STX12: variants seen among roughly 807,000 people sequenced by gnomAD.
STX12 encodes syntaxin-12.
A neutral mutation model predicts 42.2 loss-of-function variants in STX12; 17 were observed. The observed-to-expected ratio is 0.40, with a 90% CI of 0.28 to 0.60. The LOEUF is 0.60. STX12 is among the 20% of genes least tolerant of loss of function. The probability of loss-of-function intolerance (pLI) is 0.39; values close to 1 mark genes in which losing one functional copy is unlikely to be tolerated. For synonymous variants in STX12, 108 were observed against 116.7 expected, an observed-to-expected ratio of 0.93 and a Z score of 0.48; for missense variants, 297 against 330.9, an observed-to-expected ratio of 0.90 and a Z score of 0.79.
intron 1 of STX12, among the ~76,000 whole-genome samples, chr1:27,780,054 G>T (rs1215807768): frequency 6.6e-6 from 1 of 152,024 alleles, no homozygotes; most frequent in African/African-American, 2.4e-5. Flanking sequence ...GCCTCCCAAA[G>T]TGCTGGGATT....
In STX12 at chr1:27,822,651, C is replaced by A; in HGVS notation, c.*322C>A. On this transcript the variant is annotated 3_prime_UTR_variant, in exon 9 of 9. Coordinates refer to ENST00000373943, the MANE Select transcript of STX12 (RefSeq NM_177424.3). ...TTGTTTTGACAAATGACACTACAGT[C>A]TCGTAATATTGTCTTTTATGTATAT... The A allele has an allele frequency of 4.4e-6, 1 of 226,308 alleles. No individual in the cohort carries two copies. 14.0% of individuals were successfully genotyped at this position (226,308 alleles called of 1,614,324 possible).
intron 4 of STX12, among the ~76,000 whole-genome samples, chr1:27,804,375 G>A (rs922924252): frequency 1.3e-5 from 2 of 151,404 alleles, no homozygotes; most frequent in African/African-American, 2.4e-5. Flanking sequence ...GCAGTGAGCC[G>A]AGATTGCACC....
Position 27,812,207 on chromosome 1 carries a change from C to T in STX12, c.515C>T (p.Ala172Val), listed in dbSNP as rs200774708. The change falls in exon 6 of 9, where the codon GCC (alanine) becomes GTC (valine). Residue 172 changes from alanine to valine, a missense_variant. By Grantham distance (64) the Ala-to-Val change is moderately conservative (BLOSUM62 0). Transcript: ENST00000373943. ...ATGCAGAGCCAGGAGGATGAGGTGG[C>T]CATCACTGAGCAGGATTTGGAACTT... ...NQMQSQEDEV[A>V]ITEQDLELIK... The T allele has an allele frequency of 4.7e-5, 73 of 1,561,820 alleles. No individual in the cohort carries two copies. In the Admixed American group the frequency reaches 8.4e-4, roughly 18 times the overall value.
intron 7 of STX12, among the ~76,000 whole-genome samples, chr1:27,818,803 G>T (rs1223755944): frequency 6.6e-6 from 1 of 151,852 alleles, no homozygotes; most frequent in African/African-American, 2.4e-5. Context: ...TAATTTTGTA[G>T]TTTTAGTAGA....
At chr1:27,779,622 G>T (rs1355726038) in intron 1 of STX12, among the ~76,000 whole-genome samples, 2 of 151,826 alleles carry the variant, frequency 1.3e-5, no homozygotes, top group Non-Finnish European at 2.9e-5. Context: ...ATGAGCCACC[G>T]TGCCTGGCCT....
rs749960736 is a variant in STX12 at position 27,773,410 on chromosome 1, C to T, written c.103C>T (p.Arg35Trp). The T allele has an allele frequency of 1.2e-6, 2 of 1,613,380 alleles. No individual in the cohort carries two copies. The highest frequency in any genetic ancestry group is 1.1e-5 in the South Asian group (1 of 91,084). The change falls in exon 1 of 9, where the codon CGG becomes TGG. Residue 35 changes from arginine (R) to tryptophan (W), a missense_variant. Physicochemically the swap from Arg to Trp is moderately radical, Grantham distance 101. Transcript: ENST00000373943. ...CCAGACGTGCAGCGGCAACATCCAG[C>T]GGATCAGCCAAGCCAGTGAGCCGGG... ...IIQTCSGNIQ[R>W]ISQATAQIKN...
In STX12 at chr1:27,806,851, A is replaced by G. The variant is rs186809988; in HGVS notation, c.427-3395A>G. 4.6e-5 allele frequency among the ~76,000 whole-genome samples: 7 copies of G among 152,272 alleles called. No homozygotes were observed. The East Asian group carries it at 1.3e-3, about 29-fold the overall frequency. ...GGCATGTCTTACATGGTGGCAGGAG[A>G]AAGAGAAAGAGAGTGCAGGGGAAAT... On this transcript the variant is annotated intron_variant, in intron 4 of 8. Transcript: ENST00000373943.
chr1:27,773,540 C>T, intron 1 of STX12, 115 bp downstream of exon 1: 1 of 921,634 alleles, frequency 1.1e-6, no homozygotes, highest in Non-Finnish European at 1.7e-6. Flanking sequence ...CTGGGGCTGT[C>T]TCGGGCTGTC....
chr1:27,793,618 T>C lies in STX12; in HGVS notation c.274T>C (p.Ser92Pro), dbSNP rs779071002. The change falls in exon 3 of 9, where the codon TCT becomes CCT. Residue 92 changes from serine (S) to proline (P), a missense_variant. Transcript: ENST00000373943. Reference protein sequence around the residue: ...KELGSLPLPLSTSEQRQQRLQ... With the variant: ...KELGSLPLPLPTSEQRQQRLQ... ...ATTAGGGTCCTTGCCCCTTCCCTTA[T>C]CTACTTCAGAACAGGTTGGTATTTT... The C allele has an allele frequency of 5.0e-6, 8 of 1,613,860 alleles. No individual in the cohort carries two copies. The Admixed American group carries it at 8.3e-5, about 17-fold the overall frequency.
chr1:27,822,553 G>T lies in STX12; in HGVS notation c.*224G>T. 2.4e-6 allele frequency: 1 copy of T among 418,606 alleles called. No individual in the cohort carries two copies. Among genetic ancestry groups the T allele is most frequent in the South Asian group, 4.2e-5 (1 of 23,864 alleles). The allele number at this position is 418,606 out of a possible 1,614,324, so 25.9% of individuals were successfully genotyped here. A position where few individuals can be genotyped will look rare whatever the true frequency, so the allele number is the denominator to read the frequency against. ...TCTCAAATTAGGAATTAACTTATGTGGATTTTGCTTCCTCTTGTATTCTGA... is the reference window on the plus strand; with the variant it reads ...TCTCAAATTAGGAATTAACTTATGTTGATTTTGCTTCCTCTTGTATTCTGA... On this transcript the variant is annotated 3_prime_UTR_variant, in exon 9 of 9. Transcript: ENST00000373943.
intron 4 of STX12, 186 bp from the exon 5 acceptor site, chr1:27,810,060 G>C: frequency 3.8e-6 from 2 of 532,686 alleles, no homozygotes; most frequent in Non-Finnish European, 3.3e-6. Flanking sequence ...CTGGAATGCA[G>C]ATTTTCTTCA....
intron 7 of STX12, among the ~76,000 whole-genome samples, chr1:27,819,360 T>C (rs1337802561): frequency 2.0e-5 from 3 of 152,102 alleles, no homozygotes; most frequent in Non-Finnish European, 4.4e-5. Flanking sequence ...CTTGTTAACA[T>C]TCTACCCCAT....
At chr1:27,818,007 A>T in intron 7 of STX12, 84 bp downstream of exon 7, 1 of 1,164,512 alleles carries the variant, frequency 8.6e-7, no homozygotes, top group Non-Finnish European at 1.3e-6. Flanking sequence ...CAGAAGGCTG[A>T]GGCTGAAGCA....
chr1:27,787,001 A>G (rs970456557), intron 1 of STX12, among the ~76,000 whole-genome samples: 2 of 152,234 alleles, frequency 1.3e-5, no homozygotes, highest in African/African-American at 4.8e-5. Flanking sequence ...AATTGGAACC[A>G]TGGAACCACT....
At chr1:27,777,893 AAAAG>A (rs2088638137) in intron 1 of STX12, among the ~76,000 whole-genome samples, 1 of 152,162 alleles carries the variant, frequency 6.6e-6, no homozygotes. Context: ...TCTCAAAAAA[AAAAG>A]AAAAAAGAAA....
At chr1:27,819,954 A>G (rs1221984277) in intron 8 of STX12, 2 of 462,268 alleles carry the variant, frequency 4.3e-6, no homozygotes, top group Non-Finnish European at 8.0e-6. Flanking sequence ...TAGTAACTGC[A>G]AAGCTAACCC....
At chr1:27,797,309 G>A (rs1347905480) in intron 3 of STX12, among the ~76,000 whole-genome samples, 2 of 152,124 alleles carry the variant, frequency 1.3e-5, no homozygotes, top group Admixed American at 6.5e-5. Context: ...CGCCTGCCTC[G>A]GCCTTCCAAA....
rs151155535 is a variant in STX12 at position 27,822,252 on chromosome 1, T to C, written c.754T>C (p.Cys252Arg). The change falls in exon 9 of 9, where the codon TGT (cysteine) becomes CGT (arginine). Residue 252 changes from cysteine to arginine, a missense_variant. Transcript: ENST00000373943. Reference sequence around the variant, plus strand: ...TCAGAAAAAATCTCGCAAGAAGATGTGTATCCTGGTGCTTGTCCTGTCAGT... The same window carrying C: ...TCAGAAAAAATCTCGCAAGAAGATGCGTATCCTGGTGCTTGTCCTGTCAGT... ...YYQKKSRKKM[C>R]ILVLVLSVII... 2.5e-6 allele frequency: 4 copies of C among 1,612,744 alleles called. No individual in the cohort carries two copies. The African/African-American group carries it at 5.3e-5, about 22-fold the overall frequency.
intron 2 of STX12, among the ~76,000 whole-genome samples, chr1:27,792,258 A>C (rs2088752143): frequency 7.7e-6 from 1 of 129,736 alleles, no homozygotes; most frequent in South Asian, 2.2e-4. Flanking sequence ...ATATATGTAG[A>C]TACATATATA....
Sources: allele counts gnomAD v4.1 joint callset (sites outside exome capture counted in the v4.1 genomes callset), GRCh38; gene constraint gnomAD v4.1.1; transcripts MANE v1.5; gene names NCBI Gene and HGNC (gene_info 2026-07-23, HGNC 2026-07-21).